Variants in BICDL2 observed in about 807,000 individuals in gnomAD.
BICDL2 encodes BICD family-like cargo adapter 2.
BICDL2 carries 62 observed loss-of-function variants against 56.6 expected under a neutral mutation model. The ratio of observed to expected loss-of-function variants is 1.10; its 90% CI spans 0.89 to 1.35. BICDL2 has a LOEUF of 1.35. Among genes scored for constraint, BICDL2 ranks in the 40% most tolerant of loss-of-function variants. BICDL2 has a pLI of 0.00. For synonymous variants in BICDL2, 358 were observed against 319.8 expected (o/e 1.12, Z -1.27); for missense variants, 808 against 684.5 (o/e 1.18, Z -2.01).
Position 3,035,345 on chromosome 16 carries a change from G to C in BICDL2, c.152C>G (p.Ala51Gly), listed in dbSNP as rs769371938. Reference sequence around the variant, plus strand: ...TTTCTCCTTCTGCTGCAGCTGCAAGGCTAGGTCCTCGGGCTCCTCAGGCCC... The same window carrying C: ...TTTCTCCTTCTGCTGCAGCTGCAAGCCTAGGTCCTCGGGCTCCTCAGGCCC... ...GPGPEEPEDLALQLQQKEKDL... is the reference protein window; with the variant it reads ...GPGPEEPEDLGLQLQQKEKDL... Residue 51 changes from alanine to glycine, a missense_variant, in exon 2 of 10, where the codon GCC (alanine) becomes GGC (glycine). Ala to Gly is a moderately conservative substitution (Grantham distance 60). Coordinates refer to ENST00000572449, the MANE Select transcript of BICDL2 (RefSeq NM_001369667.1). The C allele has an allele frequency of 2.3e-5, 36 of 1,599,580 alleles. No individual in the cohort carries two copies. Among genetic ancestry groups the C allele is most frequent in the South Asian group, 1.2e-4 (11 of 88,992 alleles).
chr16:3,036,387 C>T (rs768017233), intron 1 of BICDL2: 1 of 452,026 alleles, frequency 2.2e-6, no homozygotes, highest in Non-Finnish European at 4.4e-6. Context: ...GGCTGGGGTT[C>T]AGGGGCTCGG....
At chr16:3,030,242 GCTGC>G in intron 5 of BICDL2, 2 of 625,368 alleles carry the variant, frequency 3.2e-6, no homozygotes, top group East Asian at 5.9e-5. Flanking sequence ...TGCTCTTCCA[GCTGC>G]CAGGCTCTGA....
chr16:3,029,376 CG>C lies in BICDL2; in HGVS notation c.1010del (p.Pro337ArgfsTer5), dbSNP rs1441514909. Reference sequence around the variant, plus strand: ...TCTTGGGGGGCTCTAAGATCTCTTCCGGGGGTGAAGGCTGGGGGCTGGACGC... The same window carrying C: ...TCTTGGGGGGCTCTAAGATCTCTTCCGGGGTGAAGGCTGGGGGCTGGACGC... The part of the protein sequence containing the change: ...RKASSPQPSP[P>X]EEILEPPKKR... On this transcript the variant is annotated frameshift_variant, in exon 7 of 10. Transcript: ENST00000572449. LOFTEE classifies it high-confidence loss of function. 2 of 1,608,060 alleles carry C rather than the reference CG, an allele frequency of 1.2e-6. No homozygotes were observed. Among genetic ancestry groups the C allele is most frequent in the Non-Finnish European group, 1.7e-6 (2 of 1,179,072 alleles).
intron 1 of BICDL2, chr16:3,036,614 GC>G: frequency 2.7e-6 from 1 of 376,818 alleles, no homozygotes; most frequent in Admixed American, 3.0e-5. Context: ...CCGCTCCCCC[GC>G]CCCCCTCCAC....
chr16:3,036,195 T>C (rs1955730965), intron 1 of BICDL2: 2 of 435,404 alleles, frequency 4.6e-6, no homozygotes, highest in Non-Finnish European at 4.5e-6. Context: ...CCCCCACCCC[T>C]CCGGACTCAG....
At chr16:3,036,638 G>C (rs1285292708) in intron 1 of BICDL2, 1 of 450,972 alleles carries the variant, frequency 2.2e-6, no homozygotes, top group African/African-American at 2.0e-5. Context: ...GAGAGACAGG[G>C]ACCTGGAGAC....
At chr16:3,031,345 G>T in intron 2 of BICDL2, 195 bp from the exon 3 acceptor site, 1 of 599,534 alleles carries the variant, frequency 1.7e-6, no homozygotes, top group South Asian at 2.0e-5. Flanking sequence ...GGAAGGTTCC[G>T]AGCAGACAGG....
Position 3,029,394 on chromosome 16 carries a change from G to A in BICDL2, c.993C>T (p.Ser331=). 1 of 1,608,448 alleles carries A rather than the reference G, an allele frequency of 6.2e-7. No individual in the cohort carries two copies. Among genetic ancestry groups the A allele is most frequent in the South Asian group, 1.1e-5 (1 of 90,942 alleles). Residue 331 remains serine, a synonymous_variant, in exon 7 of 10, where the codon AGC becomes AGT. Coordinates refer to ENST00000572449, the MANE Select transcript of BICDL2 (RefSeq NM_001369667.1). ...TCTCTTCCGGGGGTGAAGGCTGGGGGCTGGACGCCTTTCGGGTCTTTGGGG... is the reference window on the plus strand; with the variant it reads ...TCTCTTCCGGGGGTGAAGGCTGGGGACTGGACGCCTTTCGGGTCTTTGGGG... The part of the protein sequence containing the change: ...TRSPKTRKAS[S]PQPSPPEEIL...
chr16:3,034,731 T>C (rs1461799615), intron 2 of BICDL2, among the ~76,000 whole-genome samples: 1 of 148,448 alleles, frequency 6.7e-6, no homozygotes, highest in Non-Finnish European at 1.5e-5. Flanking sequence ...TTTCAGGATC[T>C]CACTCTGTTG....
chr16:3,031,841 T>TA, intron 2 of BICDL2: 1 of 289,790 alleles, frequency 3.5e-6, no homozygotes, highest in Non-Finnish European at 6.3e-6. Flanking sequence ...GGAGAATCAC[T>TA]AACGTCCTGG....
intron 2 of BICDL2, among the ~76,000 whole-genome samples, chr16:3,034,151 C>T (rs530535417): frequency 2.0e-5 from 3 of 152,324 alleles, no homozygotes; most frequent in South Asian, 2.1e-4. Flanking sequence ...CAGCCCAGTG[C>T]CAGGCAAGGA....
At chr16:3,036,101 A>T in intron 1 of BICDL2, 1 of 363,108 alleles carries the variant, frequency 2.8e-6, no homozygotes, top group South Asian at 2.1e-5. Context: ...TCCACCCTCC[A>T]GACTCAGAGG....
At position 3,031,145 on chromosome 16, in the gene BICDL2, G is replaced by C. The variant is rs1244656466; in HGVS notation, c.288C>G (p.Leu96=). The change falls in exon 3 of 10, where the codon CTC becomes CTG. Residue 96 remains leucine (L), a synonymous_variant. Transcript: ENST00000572449. ...GCCGGAGCTCATGGTTCTCCTGCTG[G>C]AGCCGCTGTGGGGGCCAGGGCAGAG... The part of the protein sequence containing the change: ...SAQHLEREER[L]QQENHELRRG... The C allele has an allele frequency of 3.3e-6, 5 of 1,534,892 alleles. No homozygotes were observed. In the African/African-American group the frequency reaches 6.9e-5, roughly 21 times the overall value.
At chr16:3,031,562 G>C in intron 2 of BICDL2, 2 of 417,414 alleles carry the variant, frequency 4.8e-6, no homozygotes, top group Non-Finnish European at 8.5e-6. Context: ...CCCCTCCCCA[G>C]CTCCTCCTAG....
intron 5 of BICDL2, 159 bp from the exon 6 acceptor site, chr16:3,029,898 A>C: frequency 3.3e-6 from 2 of 606,300 alleles, no homozygotes; most frequent in Non-Finnish European, 5.5e-6. Context: ...TGGGCCGTGC[A>C]CCTCCCTCAG....
chr16:3,028,577 T>C, intron 8 of BICDL2, 109 bp from the exon 9 acceptor site: 1 of 1,526,714 alleles, frequency 6.6e-7, no homozygotes. Flanking sequence ...AACACCTAGA[T>C]CAAGGAGGTC....
Position 3,029,573 on chromosome 16 carries a change from T to C in BICDL2, c.929A>G (p.Gln310Arg). The change falls in exon 6 of 10, where the codon CAG becomes CGG. Residue 310 changes from glutamine to arginine, a missense_variant. Coordinates refer to ENST00000572449, the MANE Select transcript of BICDL2 (RefSeq NM_001369667.1). ...AHSLDDGDQG[Q>R]GADAPGDTPT... ...GGTGTCTCCGGGTGCGTCGGCGCCC[T>C]GGCCCTGGTCGCCGTCGTCGAGGCT... The C allele has an allele frequency of 2.6e-6, 4 of 1,546,338 alleles. No individual in the cohort carries two copies. The highest frequency in any genetic ancestry group is 2.6e-6 in the Non-Finnish European group (3 of 1,150,166).
In BICDL2 at chr16:3,029,287, T is replaced by G. The variant is rs779585975; in HGVS notation, c.1100A>C (p.Gln367Pro). Residue 367 changes from glutamine to proline, a missense_variant, in exon 7 of 10, where the codon CAA becomes CCA. Physicochemically the swap from Gln to Pro is moderately conservative, Grantham distance 76. Transcript: ENST00000572449. Reference sequence around the variant, plus strand: ...CCGTGCCCTCTGCCCCACCTCATCTTGCAGCTTGGCCACTTCCACCTCCTT... The same window carrying G: ...CCGTGCCCTCTGCCCCACCTCATCTGGCAGCTTGGCCACTTCCACCTCCTT... ...EEKEVEVAKL[Q>P]DEISLQQAEL... 1.2e-6 allele frequency: 2 copies of G among 1,611,172 alleles called. No homozygotes were observed. Among genetic ancestry groups the G allele is most frequent in the East Asian group, 4.5e-5 (2 of 44,802 alleles).
rs533444539 is a variant in BICDL2 at position 3,035,463 on chromosome 16, C to T, written c.34G>A (p.Gly12Arg). Residue 12 changes from glycine (G) to arginine (R), a missense_variant, in exon 2 of 10, where the codon GGG (glycine) becomes AGG (arginine). Physicochemically the swap from Gly to Arg is moderately radical, Grantham distance 125 (BLOSUM62 -2). Transcript: ENST00000572449. ...GGAGAGGCGCCCCCTGAGAGCGGCCCGGACGGGAAGCTGGGCCCATCTGGA... is the reference window on the plus strand; with the variant it reads ...GGAGAGGCGCCCCCTGAGAGCGGCCTGGACGGGAAGCTGGGCCCATCTGGA... ...SSPDGPSFPS[G>R]PLSGGASPSG... 3.2e-5 allele frequency: 51 copies of T among 1,611,542 alleles called. No individual in the cohort carries two copies. The highest frequency in any genetic ancestry group is 2.2e-4 in the East Asian group (10 of 44,858).
Sources: gnomAD v4.1 joint callset for allele counts (sites outside exome capture counted in the v4.1 genomes callset) on GRCh38, gnomAD v4.1.1 for gene constraint, MANE v1.5 for transcripts, NCBI Gene and HGNC (gene_info 2026-07-23, HGNC 2026-07-21) for gene names.